Variants in GRIN2A observed in about 807,000 individuals in gnomAD.
GRIN2A encodes the protein glutamate ionotropic receptor NMDA type subunit 2A, also known as glutamate receptor ionotropic, NMDA 2A.
A neutral mutation model predicts 113.4 loss-of-function variants in GRIN2A; 22 were observed. The ratio of observed to expected loss-of-function variants is 0.19; its 90% CI spans 0.14 to 0.28. The LOEUF (loss-of-function observed/expected upper bound fraction) is 0.28. Ranked by LOEUF, GRIN2A falls within the 10% of genes least tolerant of loss-of-function variation. GRIN2A has a pLI of 1.00. For synonymous variants in GRIN2A, 827 were observed against 738.4 expected, an observed-to-expected ratio of 1.12 and a Z score of -1.94; for missense variants, 1,502 against 1,887.0, an observed-to-expected ratio of 0.80 and a Z score of 3.78.
chr16:9,887,328 C>T (rs185524920), intron 4 of GRIN2A, among the ~76,000 whole-genome samples: 117 of 152,290 alleles, frequency 7.7e-4, no homozygotes, highest in Middle Eastern at 6.8e-3. Context: ...GTGCCCCTGT[C>T]CTGTCAACTG....
intron 4 of GRIN2A, among the ~76,000 whole-genome samples, chr16:9,868,586 C>A (rs2043202516): frequency 6.6e-6 from 1 of 152,082 alleles, no homozygotes; most frequent in Non-Finnish European, 1.5e-5. Flanking sequence ...ACTTTAAATA[C>A]CTCTGTGTAT....
Position 9,758,879 on chromosome 16 carries a change from T to C in GRIN2A, c.*4270A>G, listed in dbSNP as rs1481710902. 1 of 218,832 alleles carries C rather than the reference T, an allele frequency of 4.6e-6. No individual in the cohort carries two copies. The highest frequency in any genetic ancestry group is 9.2e-6 in the Non-Finnish European group (1 of 108,998). 13.6% of individuals were successfully genotyped at this position (218,832 alleles called of 1,614,324 possible). ...GGTCTAATTTTGTCTCCAGTGAAAATAAACAGTACTTTTGGAAGGAAAATT... is the reference window on the plus strand; with the variant it reads ...GGTCTAATTTTGTCTCCAGTGAAAACAAACAGTACTTTTGGAAGGAAAATT... On this transcript the variant is annotated 3_prime_UTR_variant, in exon 13 of 13. Transcript: ENST00000330684.
intron 2 of GRIN2A, among the ~76,000 whole-genome samples, chr16:10,134,304 T>A (rs1033840687): frequency 6.6e-6 from 1 of 152,084 alleles, no homozygotes; most frequent in African/African-American, 2.4e-5. Flanking sequence ...AGCTTGAGGC[T>A]CTACCCTCTG....
intron 11 of GRIN2A, among the ~76,000 whole-genome samples, chr16:9,797,251 G>A (rs1049365443): frequency 6.6e-6 from 1 of 152,204 alleles, no homozygotes; most frequent in Non-Finnish European, 1.5e-5. Flanking sequence ...CCTCTGGCTT[G>A]AGCCTTTCTA....
intron 2 of GRIN2A, 64 bp from the exon 3 acceptor site, chr16:9,938,615 C>T: frequency 8.7e-7 from 1 of 1,147,422 alleles, no homozygotes; most frequent in Admixed American, 1.7e-5. Context: ...GAAGCACAAA[C>T]TGCGTCCTAG....
At chr16:9,908,687 T>G (rs142845112) in intron 3 of GRIN2A, among the ~76,000 whole-genome samples, 1 of 152,252 alleles carries the variant, frequency 6.6e-6, no homozygotes, top group Non-Finnish European at 1.5e-5. Flanking sequence ...AAAATGGAGT[T>G]TGAAGCCCAG....
chr16:9,985,161 C>T (rs1287670889), intron 2 of GRIN2A, among the ~76,000 whole-genome samples: 1 of 151,994 alleles, frequency 6.6e-6, no homozygotes, highest in African/African-American at 2.4e-5. Flanking sequence ...TACGTTGGGC[C>T]CAAACCTAAA....
In GRIN2A at chr16:9,887,733, T is replaced by C. The variant is rs113611600; in HGVS notation, c.1122+3253A>G. On this transcript the variant is annotated intron_variant, in intron 4 of 12. Coordinates refer to ENST00000330684, the MANE Select transcript of GRIN2A (RefSeq NM_001134407.3). ...TGGATAAGATTTGTGTGTGTATGTG[T>C]ACGTTTATTAAAAAACAAACAAAAA... Among the ~76,000 whole-genome samples the C allele has an allele frequency of 7.3e-3, 1,106 of 152,320 alleles. 10 individuals carry two copies. Among genetic ancestry groups the C allele is most frequent in the African/African-American group, 0.025 (1,031 of 41,558 alleles).
rs571639977 is a variant in GRIN2A, at chr16:9,996,743, G to A, written c.415-58192C>T. On this transcript the variant is annotated intron_variant, in intron 2 of 12. Transcript: ENST00000330684. ...GCTATACCTATTTTTTAACACTACA[G>A]CACCTAGCACATAGACTAATCACTC... 7.2e-5 allele frequency among the ~76,000 whole-genome samples: 11 copies of A among 152,210 alleles called. 1 individual carries two copies. The South Asian group carries it at 2.3e-3, about 32-fold the overall frequency.
chr16:10,092,053 C>A (rs2048193439), intron 2 of GRIN2A, among the ~76,000 whole-genome samples: 1 of 152,088 alleles, frequency 6.6e-6, no homozygotes, highest in South Asian at 2.1e-4. Flanking sequence ...AATAATTAAT[C>A]CTCTAACAGC....
In GRIN2A at chr16:9,822,437, C is replaced by T. The variant is rs757459038; in HGVS notation, c.2008-13G>A. The T allele has an allele frequency of 2.4e-5, 37 of 1,573,924 alleles. No homozygotes were observed. Among genetic ancestry groups the T allele is most frequent in the East Asian group, 1.3e-4 (6 of 44,614 alleles). On this transcript the variant is annotated splice_polypyrimidine_tract_variant and intron_variant, in intron 9 of 12. Transcript: ENST00000330684. ...GAGGTCTCTGAAACTGGAGAGAGAA[C>T]GAGAAAGGAAGAGAGAGAGTAGGAA...
chr16:10,001,519 T>A (rs1327530238), intron 2 of GRIN2A, among the ~76,000 whole-genome samples: 1 of 152,180 alleles, frequency 6.6e-6, no homozygotes, highest in Non-Finnish European at 1.5e-5. Flanking sequence ...GCTGAAACTA[T>A]CTTATGGCTG....
intron 2 of GRIN2A, among the ~76,000 whole-genome samples, chr16:10,178,327 A>G (rs1053909691): frequency 1.3e-5 from 2 of 152,224 alleles, no homozygotes; most frequent in African/African-American, 2.4e-5. Context: ...GGATGACATC[A>G]TTAAAGTATG....
At chr16:10,014,559 G>T (rs552984474) in intron 2 of GRIN2A, among the ~76,000 whole-genome samples, 1 of 152,324 alleles carries the variant, frequency 6.6e-6, no homozygotes, top group South Asian at 2.1e-4. Context: ...ACTCAGTCTA[G>T]CAGGACAGAC....
chr16:10,064,690 A>C (rs991247240), intron 2 of GRIN2A, among the ~76,000 whole-genome samples: 1 of 152,228 alleles, frequency 6.6e-6, no homozygotes, highest in East Asian at 1.9e-4. Context: ...CCCTGCTACT[A>C]ACAACCCCAG....
intron 4 of GRIN2A, among the ~76,000 whole-genome samples, chr16:9,861,128 T>C (rs986645080): frequency 1.3e-5 from 2 of 152,268 alleles, no homozygotes; most frequent in Admixed American, 6.5e-5. Context: ...AGTTAGCTCA[T>C]TGGGTGGTTT....
chr16:9,782,204 T>A (rs1422347905), intron 11 of GRIN2A, among the ~76,000 whole-genome samples: 1 of 152,222 alleles, frequency 6.6e-6, no homozygotes, highest in African/African-American at 2.4e-5. Flanking sequence ...ACAGACTTTT[T>A]TTTCTTGTCA....
At chr16:10,014,307 T>C (rs894303828) in intron 2 of GRIN2A, among the ~76,000 whole-genome samples, 1 of 152,254 alleles carries the variant, frequency 6.6e-6, no homozygotes, top group Admixed American at 6.5e-5. Flanking sequence ...CCAGTATGTA[T>C]GTCTCTTAAA....
intron 2 of GRIN2A, among the ~76,000 whole-genome samples, chr16:10,130,273 T>G (rs1460291017): frequency 6.6e-6 from 1 of 152,096 alleles, no homozygotes; most frequent in African/African-American, 2.4e-5. Context: ...CAGGGAAACA[T>G]TGAGGGGAAA....
Sources: allele counts gnomAD v4.1 joint callset (sites outside exome capture counted in the v4.1 genomes callset), GRCh38; gene constraint gnomAD v4.1.1; transcripts MANE v1.5; gene names NCBI Gene and HGNC (gene_info 2026-07-23, HGNC 2026-07-21).